MGST1: variants seen among roughly 807,000 people sequenced by gnomAD.
The protein encoded by MGST1 is microsomal glutathione S-transferase 1.
A neutral mutation model predicts 8.9 loss-of-function variants in MGST1; 5 were observed. The ratio of observed to expected loss-of-function variants is 0.56; its 90% CI spans 0.29 to 1.19. The LOEUF (loss-of-function observed/expected upper bound fraction) is 1.19, where lower values mean the gene tolerates loss of function less well. Among genes scored for constraint, MGST1 ranks in the 50% most tolerant of loss-of-function variants. MGST1 has a pLI of 0.08. For synonymous variants in MGST1, 54 were observed against 67.8 expected (o/e 0.80, Z 1.00); for missense variants, 182 against 187.4 (o/e 0.97, Z 0.17).
chr12:16,434,789 T>C (rs1035643950), intron 1 of MGST1, among the ~76,000 whole-genome samples: 74 of 152,160 alleles, frequency 4.9e-4, no homozygotes, highest in African/African-American at 1.7e-3. Flanking sequence ...AGTAAAACGA[T>C]TTGACAGAAT....
chr12:16,430,790 C>T (rs1232613253), intron 1 of MGST1, among the ~76,000 whole-genome samples: 2 of 152,118 alleles, frequency 1.3e-5, no homozygotes, highest in African/African-American at 4.8e-5. Context: ...TGAGCATTAG[C>T]TTCAACTGAG....
chr12:16,403,161 A>G (rs1349599797), intron 1 of MGST1, among the ~76,000 whole-genome samples: 1 of 152,132 alleles, frequency 6.6e-6, no homozygotes, highest in Non-Finnish European at 1.5e-5. Context: ...TGCACCTTGC[A>G]TGTGTCAATA....
In MGST1 at chr12:16,560,343, C is replaced by T; in HGVS notation, n.483-29185C>T. 6.7e-7 allele frequency: 1 copy of T among 1,481,714 alleles called. No homozygotes were observed. Among genetic ancestry groups the T allele is most frequent in the Non-Finnish European group, 9.1e-7 (1 of 1,093,808 alleles). 91.8% of individuals were successfully genotyped at this position (1,481,714 alleles called of 1,614,324 possible). On this transcript the variant is annotated intron_variant and non_coding_transcript_variant, in intron 4 of 4. Transcript: ENST00000538857. This position sits in a 1 kb window ranked among gnomAD's most constrained non-coding sequence, Gnocchi z 5.0. ...GCTTTAAATGTATGAATATAATTTC[C>T]ACCTATTAAATAAATAGCCAGCACA... is the stretch of plus-strand genomic sequence containing the variant.
rs1247962231 is a variant in MGST1 at position 16,517,994 on chromosome 12, A to T, written n.483-71534A>T. Among the ~76,000 whole-genome samples, 2 of 152,232 alleles carry T rather than the reference A, an allele frequency of 1.3e-5. No homozygotes were observed. ...AGGCAGTGATACATTCACCAAAGTG[A>T]TGGTGGTCACACTGAGGTCTTCAAC... is the stretch of plus-strand genomic sequence containing the variant. On this transcript the variant is annotated intron_variant and non_coding_transcript_variant, in intron 4 of 4. Transcript: ENST00000538857. This position sits in a 1 kb window ranked among gnomAD's most constrained non-coding sequence, Gnocchi z 4.2.
chr12:16,551,265 T>C, intron 4 of MGST1: 2 of 1,613,198 alleles, frequency 1.2e-6, no homozygotes. Context: ...TAAACCTTCC[T>C]CGTAGTCCGT....
intron 1 of MGST1, among the ~76,000 whole-genome samples, chr12:16,387,756 G>A (rs1277386335): frequency 6.6e-6 from 1 of 152,050 alleles, no homozygotes; most frequent in Non-Finnish European, 1.5e-5. Context: ...TCGATCTCCT[G>A]ACCTCATGAT....
At chr12:16,473,937 C>T (rs1941304369) in intron 4 of MGST1, among the ~76,000 whole-genome samples, 1 of 152,034 alleles carries the variant, frequency 6.6e-6, no homozygotes, top group South Asian at 2.1e-4. Context: ...ATGGAAAGGC[C>T]TCAAGTTAAT....
At chr12:16,383,696 G>C (rs1458906571) in intron 1 of MGST1, 1 of 152,124 alleles carries the variant, frequency 6.6e-6, no homozygotes, top group Non-Finnish European at 1.5e-5. Context: ...TCTGACCTCA[G>C]GTGATCCATC....
intron 4 of MGST1, among the ~76,000 whole-genome samples, chr12:16,474,467 A>G (rs1941307897): frequency 6.6e-6 from 1 of 152,214 alleles, no homozygotes; most frequent in South Asian, 2.1e-4. Flanking sequence ...ACTCTTGGAT[A>G]TCAATACCAA....
At position 16,354,348 on chromosome 12, in the gene MGST1, T is replaced by A. The variant is rs142948577; in HGVS notation, c.96T>A (p.Thr32=). 1 of 1,603,936 alleles carries A rather than the reference T, an allele frequency of 6.2e-7. No individual in the cohort carries two copies. The highest frequency in any genetic ancestry group is 1.3e-5 in the African/African-American group (1 of 74,454). The change falls in exon 2 of 4, where the codon ACT becomes ACA. Residue 32 remains threonine (T), a synonymous_variant. Transcript: ENST00000396210. The stretch of plus-strand genomic sequence containing the variant: ...TTTCAAAAATGATGCTTATGAGTAC[T>A]GCAACTGCATTCTATAGATTGACAA... ...IILSKMMLMS[T]ATAFYRLTRK... is the part of the protein sequence containing the mutation.
rs140936640 is a variant in MGST1, at chr12:16,502,105, A to G, written n.483-87423A>G. Among the ~76,000 whole-genome samples, 671 of 152,340 alleles carry G rather than the reference A, an allele frequency of 4.4e-3. 13 individuals carry two copies. Among genetic ancestry groups the G allele is most frequent in the Non-Finnish European group, 2.9e-3 (199 of 68,010 alleles). On this transcript the variant is annotated intron_variant and non_coding_transcript_variant, in intron 4 of 4. Coordinates refer to the MGST1 transcript ENST00000538857. ...TATTTTATATGATTGTCGAAGACAA[A>G]TGAATTCCAAGGTACAAAAATAATT...
chr12:16,418,187 T>C (rs919005573), intron 1 of MGST1, among the ~76,000 whole-genome samples: 2 of 152,162 alleles, frequency 1.3e-5, no homozygotes, highest in Non-Finnish European at 2.9e-5. Flanking sequence ...AACAACCTTA[T>C]AGAGTGGCGA....
chr12:16,583,015 C>G (rs1419690004), intron 4 of MGST1, among the ~76,000 whole-genome samples: 1 of 139,614 alleles, frequency 7.2e-6, no homozygotes, highest in Non-Finnish European at 1.5e-5. Flanking sequence ...CCACTGCACT[C>G]TAGCCTGGGT....
chr12:16,364,325 T>C lies in MGST1; in HGVS notation c.*284T>C. On this transcript the variant is annotated 3_prime_UTR_variant, in exon 4 of 4. Coordinates refer to ENST00000396210, the MANE Select transcript of MGST1 (RefSeq NM_020300.5). This position sits in a 1 kb window ranked among gnomAD's most constrained non-coding sequence, Gnocchi z 5.7. ...GTAACATTCACACAACACCTCACTT[T>C]TGAATCTATAAAAGAATTGCACGTA... The C allele has an allele frequency of 9.4e-7, 1 of 1,068,424 alleles. No individual in the cohort carries two copies. The highest frequency in any genetic ancestry group is 5.0e-5 in the Admixed American group (1 of 19,826). The allele number at this position is 1,068,424 out of a possible 1,614,324, so 66.2% of individuals were successfully genotyped here. A position where few individuals can be genotyped will look rare whatever the true frequency, so the allele number is the denominator to read the frequency against.
At chr12:16,542,706 C>G (rs1591755670) in intron 4 of MGST1, among the ~76,000 whole-genome samples, 1 of 152,286 alleles carries the variant, frequency 6.6e-6, no homozygotes, top group East Asian at 1.9e-4. Flanking sequence ...ACCAAGCCGT[C>G]TTGACTAAAC....
upstream of MGST1, among the ~76,000 whole-genome samples, chr12:16,382,551 G>T (rs187601152): frequency 0.066 from 10,047 of 152,068 alleles, 405 homozygotes; most frequent in Middle Eastern, 0.13. Context: ...CGCCCCTACT[G>T]GGGGGGTGCC....
At chr12:16,495,372 C>T (rs1941463111) in intron 4 of MGST1, among the ~76,000 whole-genome samples, 2 of 152,032 alleles carry the variant, frequency 1.3e-5, no homozygotes, top group African/African-American at 4.8e-5. Flanking sequence ...ATGCCCAGTA[C>T]TCAAATGACG....
In MGST1 at chr12:16,532,093, A is replaced by G. The variant is rs781262295; in HGVS notation, n.483-57435A>G. ...AGGAGGAAACAGAAGTTCAAGGGCTATATCTTCAGGTGTTGATGCTCAGGA... is the reference window on the plus strand; with the variant it reads ...AGGAGGAAACAGAAGTTCAAGGGCTGTATCTTCAGGTGTTGATGCTCAGGA... On this transcript the variant is annotated intron_variant and non_coding_transcript_variant, in intron 4 of 4. Transcript: ENST00000538857. Among the ~76,000 whole-genome samples, 130 of 152,156 alleles carry G rather than the reference A, an allele frequency of 8.5e-4. 1 individual carries two copies. The highest frequency in any genetic ancestry group is 3.8e-4 in the Non-Finnish European group (26 of 68,016).
At chr12:16,524,575 C>A (rs548914441) in intron 4 of MGST1, among the ~76,000 whole-genome samples, 2 of 152,180 alleles carry the variant, frequency 1.3e-5, no homozygotes, top group East Asian at 3.9e-4. Context: ...ACAACACATA[C>A]ACAAGCAAGA....
Sources: allele counts gnomAD v4.1 joint callset (sites outside exome capture counted in the v4.1 genomes callset), GRCh38; gene constraint gnomAD v4.1.1; non-coding constraint Gnocchi (gnomAD v3.1); transcripts MANE v1.5; gene names NCBI Gene and HGNC (gene_info 2026-07-23, HGNC 2026-07-21).